The following PITX3 variants were observed in gnomAD, a reference collection of about 807,000 sequenced individuals.
PITX3 encodes the protein pituitary homeobox 3.
Under a neutral mutation model 14.2 loss-of-function variants are expected in PITX3, and 4 were observed. That is an observed-to-expected ratio of 0.28 (90% CI 0.14 to 0.65). The LOEUF (loss-of-function observed/expected upper bound fraction) is 0.65. PITX3 is among the 30% of genes least tolerant of loss of function. The probability of loss-of-function intolerance (pLI) is 0.82; values close to 1 mark genes in which losing one functional copy is unlikely to be tolerated. For synonymous variants in PITX3, 194 were observed against 204.5 expected (o/e 0.95, Z 0.44); for missense variants, 358 against 426.8 (o/e 0.84, Z 1.42).
At chr10:102,235,264 AG>A (rs1390315167) in intron 1 of PITX3, among the ~76,000 whole-genome samples, 2 of 148,284 alleles carry the variant, frequency 1.3e-5, no homozygotes, top group Non-Finnish European at 3.0e-5. Context: ...GAGCAGGCCA[AG>A]GGGCCAGGGG....
intron 3 of PITX3, 71 bp from the exon 4 acceptor site, chr10:102,231,172 A>ACGGGGCTTCCAGC: frequency 7.2e-7 from 1 of 1,392,594 alleles, no homozygotes; most frequent in East Asian, 2.6e-5. Flanking sequence ...GGCCACCCCG[A>ACGGGGCTTCCAGC]CGGGGCTTCC....
rs745780587 is a variant in PITX3, at chr10:102,230,536, T to A, written c.887A>T (p.Tyr296Phe). 3.1e-6 allele frequency: 5 copies of A among 1,610,432 alleles called. No individual in the cohort carries two copies. In the South Asian group the frequency reaches 5.5e-5, roughly 18 times the overall value. Residue 296 changes from tyrosine to phenylalanine, a missense_variant, in exon 4 of 4, where the codon TAC (tyrosine) becomes TTC (phenylalanine). Transcript: ENST00000370002. ...PPAANLSPCQ[Y>F]AVERPV Reference sequence around the variant, plus strand: ...CGCTCATACGGGCCTTTCCACGGCGTACTGGCACGGACTAAGGTTGGCTGC... The same window carrying A: ...CGCTCATACGGGCCTTTCCACGGCGAACTGGCACGGACTAAGGTTGGCTGC...
At chr10:102,231,940 C>A in intron 2 of PITX3, 23 bp downstream of exon 2, 3 of 1,588,898 alleles carry the variant, frequency 1.9e-6, no homozygotes, top group Non-Finnish European at 1.7e-6. Context: ...ATGTCCTGCA[C>A]CCCCGGAAGG....
At chr10:102,231,165 C>T (rs2070223183) in intron 3 of PITX3, 64 bp from the exon 4 acceptor site, 1 of 1,423,138 alleles carries the variant, frequency 7.0e-7, no homozygotes, top group Non-Finnish European at 9.2e-7. Flanking sequence ...AAGGGCGGGC[C>T]ACCCCGACGG....
rs2070529860 is a variant in PITX3 at position 102,241,296 on chromosome 10, C to G, written c.-13+37G>C. Reference sequence around the variant, plus strand: ...AAGGTCCAGCAATAGCTCCTCGGCCCCATGAGCCCCTGTCCTTAGAATGGT... The same window carrying G: ...AAGGTCCAGCAATAGCTCCTCGGCCGCATGAGCCCCTGTCCTTAGAATGGT... On this transcript the variant is annotated intron_variant, in intron 1 of 3. Coordinates refer to ENST00000370002, the MANE Select transcript of PITX3 (RefSeq NM_005029.4). The surrounding 1 kb of genome is among the most constrained non-coding windows in gnomAD (Gnocchi z 6.7). 6.6e-6 allele frequency: 1 copy of G among 152,658 alleles called. No individual in the cohort carries two copies. The highest frequency in any genetic ancestry group is 2.1e-4 in the South Asian group (1 of 4,842). 9.5% of individuals were successfully genotyped at this position (152,658 alleles called of 1,614,324 possible).
At position 102,230,395 on chromosome 10, in the gene PITX3, G is replaced by A; in HGVS notation, c.*119C>T. The A allele has an allele frequency of 1.4e-6, 2 of 1,447,662 alleles. No homozygotes were observed. The highest frequency in any genetic ancestry group is 1.9e-6 in the Non-Finnish European group (2 of 1,079,430). The allele number at this position is 1,447,662 out of a possible 1,614,324, so 89.7% of individuals were successfully genotyped here. ...CCCTCTCCTGAGCCGGTGCCCCCCA[G>A]CTGCCCAAACACCCCTTTCAGACCC... On this transcript the variant is annotated 3_prime_UTR_variant, in exon 4 of 4. Transcript: ENST00000370002.
At chr10:102,233,303 T>TA (rs2133802446) in intron 1 of PITX3, among the ~76,000 whole-genome samples, 1 of 91,254 alleles carries the variant, frequency 1.1e-5, no homozygotes, top group African/African-American at 5.4e-5. Flanking sequence ...TTTTTTTCCT[T>TA]CTTTTTTTTT....
rs1415901467 is a variant in PITX3, at chr10:102,232,070, C to G, written c.11G>C (p.Gly4Ala). 1 of 1,597,858 alleles carries G rather than the reference C, an allele frequency of 6.3e-7. No individual in the cohort carries two copies. The highest frequency in any genetic ancestry group is 1.7e-5 in the Admixed American group (1 of 58,660). ...CCGGGCCTCTGCCTCGCTGAGCAGG[C>G]CGAACTCCATGGAGGGAGGGCTCTG... MEF[G>A]LLSEAEARSP... Residue 4 changes from glycine (G) to alanine (A), a missense_variant, in exon 2 of 4, where the codon GGC becomes GCC. Around this residue, in one of 3 missense-constraint regions of PITX3, gnomAD observed 72 missense variants for 79.9 expected, o/e 0.90. Coordinates refer to ENST00000370002, the MANE Select transcript of PITX3 (RefSeq NM_005029.4).
intron 1 of PITX3, among the ~76,000 whole-genome samples, chr10:102,239,286 A>G (rs1415315587): frequency 3.3e-5 from 5 of 152,166 alleles, no homozygotes; most frequent in African/African-American, 1.2e-4. Context: ...TTTGTTTCCA[A>G]TCACCTTCAT....
At chr10:102,232,407 G>A (rs2070270933) in intron 1 of PITX3, among the ~76,000 whole-genome samples, 1 of 152,218 alleles carries the variant, frequency 6.6e-6, no homozygotes, top group Admixed American at 6.5e-5. Flanking sequence ...TATAGGCCGG[G>A]CGCAGTGGCT....
chr10:102,230,428 G>T lies in PITX3; in HGVS notation c.*86C>A. On this transcript the variant is annotated 3_prime_UTR_variant, in exon 4 of 4. Transcript: ENST00000370002. ...AACACCCCTTTCAGACCCTGGGGCGGGAGCAAGCCAGTCAAAATGACCCCA... is the reference window on the plus strand; with the variant it reads ...AACACCCCTTTCAGACCCTGGGGCGTGAGCAAGCCAGTCAAAATGACCCCA... 4.6e-6 allele frequency: 7 copies of T among 1,519,106 alleles called. No individual in the cohort carries two copies. The highest frequency in any genetic ancestry group is 6.2e-6 in the Non-Finnish European group (7 of 1,127,920). 94.1% of individuals were successfully genotyped at this position (1,519,106 alleles called of 1,614,324 possible).
intron 1 of PITX3, among the ~76,000 whole-genome samples, chr10:102,238,987 C>A (rs1392282786): frequency 1.3e-5 from 2 of 152,184 alleles, no homozygotes; most frequent in African/African-American, 4.8e-5. Context: ...TCATCCTGAG[C>A]TTGCATCACT....
chr10:102,237,780 T>A (rs536369142), intron 1 of PITX3, among the ~76,000 whole-genome samples: 12 of 152,072 alleles, frequency 7.9e-5, no homozygotes, highest in East Asian at 1.9e-4. Context: ...AAGCTTTTTT[T>A]AATATAAAAC....
intron 1 of PITX3, among the ~76,000 whole-genome samples, chr10:102,237,709 A>G (rs1288768872): frequency 6.6e-6 from 1 of 152,192 alleles, no homozygotes; most frequent in Admixed American, 6.5e-5. Flanking sequence ...AAATGCAAAC[A>G]AATTTTTCGT....
chr10:102,237,615 C>G (rs2070431923), intron 1 of PITX3, among the ~76,000 whole-genome samples: 1 of 152,110 alleles, frequency 6.6e-6, no homozygotes, highest in African/African-American at 2.4e-5. Context: ...CAGTCAAAAA[C>G]AACATCTACT....
intron 3 of PITX3, 42 bp from the exon 4 acceptor site, chr10:102,231,143 T>G: frequency 6.8e-7 from 1 of 1,470,982 alleles, no homozygotes; most frequent in Non-Finnish European, 8.9e-7. Context: ...CGGGGCCGGG[T>G]CCCAGCGGCT....
In PITX3 at chr10:102,231,733, T is replaced by C. The variant is rs756231226; in HGVS notation, c.176A>G (p.Lys59Arg). 5.0e-6 allele frequency: 8 copies of C among 1,610,524 alleles called. No homozygotes were observed. The African/African-American group carries it at 1.1e-4, about 22-fold the overall frequency. ...PGGSPEDGSLKKKQRRQRTHF... is the reference protein window; with the variant it reads ...PGGSPEDGSLRKKQRRQRTHF... ...CGTGCGCTGCCGCCGCTGCTTCTTT[T>C]TCAGCGAACCGTCCTCTGGGGAGCC... The change falls in exon 3 of 4, where the codon AAA (lysine) becomes AGA (arginine). Residue 59 changes from lysine (K) to arginine (R), a missense_variant. Lys to Arg is a conservative substitution (Grantham distance 26). Transcript: ENST00000370002.
rs1386358081 is a variant in PITX3, at chr10:102,230,407, C to T, written c.*107G>A. 3 of 1,487,282 alleles carry T rather than the reference C, an allele frequency of 2.0e-6. No homozygotes were observed. Among genetic ancestry groups the T allele is most frequent in the Non-Finnish European group, 1.8e-6 (2 of 1,109,318 alleles). The allele number at this position is 1,487,282 out of a possible 1,614,324, so 92.1% of individuals were successfully genotyped here. The stretch of plus-strand genomic sequence containing the variant: ...CCGGTGCCCCCCAGCTGCCCAAACA[C>T]CCCTTTCAGACCCTGGGGCGGGAGC... On this transcript the variant is annotated 3_prime_UTR_variant, in exon 4 of 4. Transcript: ENST00000370002.
At chr10:102,233,644 A>C (rs1406944860) in intron 1 of PITX3, among the ~76,000 whole-genome samples, 4 of 152,108 alleles carry the variant, frequency 2.6e-5, no homozygotes, top group Non-Finnish European at 5.9e-5. Context: ...ATTTGAAAGA[A>C]GGTAACAAGA....
Sources: allele counts gnomAD v4.1 joint callset (sites outside exome capture counted in the v4.1 genomes callset), GRCh38; gene constraint gnomAD v4.1.1; regional missense constraint gnomAD v4.1.1; non-coding constraint Gnocchi (gnomAD v3.1); transcripts MANE v1.5; gene names NCBI Gene and HGNC (gene_info 2026-07-23, HGNC 2026-07-21).